The following DNAH11 variants were observed in gnomAD, a reference collection of about 807,000 sequenced individuals.
DNAH11 encodes dynein axonemal heavy chain 11, also known as axonemal beta dynein heavy chain 11.
DNAH11 carries 442 observed loss-of-function variants against 526.0 expected under a neutral mutation model. The ratio of observed to expected loss-of-function variants is 0.84; its 90% CI spans 0.78 to 0.91. The LOEUF is 0.91. Among genes scored for constraint, DNAH11 ranks in the 40% least tolerant of loss-of-function variants. The pLI is 0.00. For synonymous variants in DNAH11, 2,461 were observed against 1,935.9 expected (o/e 1.27, Z -7.12); for missense variants, 6,989 against 5,448.7 (o/e 1.28, Z -8.90).
intron 25 of DNAH11, among the ~76,000 whole-genome samples, chr7:21,622,713 G>A (rs1786132041): frequency 6.6e-6 from 1 of 152,088 alleles, no homozygotes; most frequent in African/African-American, 2.4e-5. Flanking sequence ...AACAAGCAAT[G>A]GGGAAAGGAT....
Position 21,543,624 on chromosome 7 carries a change from C to T in DNAH11, c.351+28C>T, listed in dbSNP as rs776570811. On this transcript the variant is annotated intron_variant, in intron 1 of 81. Coordinates refer to ENST00000409508, the MANE Select transcript of DNAH11 (RefSeq NM_001277115.2). ...AAGAGGCGACGGGCAAGGGGACCTG[C>T]CCATCCAACAAAACTACCCAGGGGA... 8 of 1,559,382 alleles carry T rather than the reference C, an allele frequency of 5.1e-6. No homozygotes were observed. The South Asian group carries it at 8.2e-5, about 16-fold the overall frequency.
In DNAH11 at chr7:21,690,799, C is replaced by T. The variant is rs1783583360; in HGVS notation, c.5959C>T (p.Pro1987Ser). 6.2e-7 allele frequency: 1 copy of T among 1,610,062 alleles called. No homozygotes were observed. Among genetic ancestry groups the T allele is most frequent in the Non-Finnish European group, 8.5e-7 (1 of 1,178,562 alleles). The change falls in exon 35 of 82, where the codon CCA (proline) becomes TCA (serine). Residue 1987 changes from proline to serine, a missense_variant. Physicochemically the swap from Pro to Ser is moderately conservative, Grantham distance 74 (BLOSUM62 -1). Coordinates refer to ENST00000409508, the MANE Select transcript of DNAH11 (RefSeq NM_001277115.2). ...TCTTGGGGAAGCTATCACACTGAAG[C>T]CATCAGTTGGAATATTTATTACTAT... ...VFLGEAITLKPSVGIFITMNP... is the reference protein window; with the variant it reads ...VFLGEAITLKSSVGIFITMNP...
In DNAH11 at chr7:21,543,072, A is replaced by C. The variant is rs1782647045; in HGVS notation, c.-174A>C. 4 of 1,348,898 alleles carry C rather than the reference A, an allele frequency of 3.0e-6. No individual in the cohort carries two copies. Among genetic ancestry groups the C allele is most frequent in the Middle Eastern group, 2.7e-4 (1 of 3,704 alleles). The allele number at this position is 1,348,898 out of a possible 1,614,324, so 83.6% of individuals were successfully genotyped here. ...CCTTCGCTTCGGCCTGCGAGGCTACAGCTGTGCGCAGTGGCGCGGCTGCTA... is the reference window on the plus strand; with the variant it reads ...CCTTCGCTTCGGCCTGCGAGGCTACCGCTGTGCGCAGTGGCGCGGCTGCTA... On this transcript the variant is annotated 5_prime_UTR_variant, in exon 1 of 82. Transcript: ENST00000409508.
Position 21,749,379 on chromosome 7 carries a change from C to T in DNAH11, c.8674-299C>T, listed in dbSNP as rs150636085. 2.6e-5 allele frequency among the ~76,000 whole-genome samples: 4 copies of T among 152,208 alleles called. 1 individual carries two copies. The highest frequency in any genetic ancestry group is 9.6e-5 in the African/African-American group (4 of 41,524). ...TTTTTACGGCCCTGCCTGAAAAAGGCGTCGCTGAATTCACTTGTACACAGT... is the reference window on the plus strand; with the variant it reads ...TTTTTACGGCCCTGCCTGAAAAAGGTGTCGCTGAATTCACTTGTACACAGT... On this transcript the variant is annotated intron_variant, in intron 52 of 81. Transcript: ENST00000409508.
Position 21,721,792 on chromosome 7 carries a change from C to T in DNAH11, c.7266+936C>T, listed in dbSNP as rs561641184. On this transcript the variant is annotated intron_variant, in intron 44 of 81. Transcript: ENST00000409508. ...GGATGTGGGAGGGGGGATCACAATT[C>T]GGTTTGTAGCATTTGATAATCTTCA... Among the ~76,000 whole-genome samples, 8 of 152,220 alleles carry T rather than the reference C, an allele frequency of 5.3e-5. No homozygotes were observed. The South Asian group carries it at 8.3e-4, about 16-fold the overall frequency.
At chr7:21,846,571 G>C (rs377596873) in intron 66 of DNAH11, among the ~76,000 whole-genome samples, 1 of 152,018 alleles carries the variant, frequency 6.6e-6, no homozygotes, top group African/African-American at 2.4e-5. Context: ...CTTGGTCGTG[G>C]TGTTTAATTA....
chr7:21,721,227 C>A (rs1358678755), intron 44 of DNAH11, among the ~76,000 whole-genome samples: 2 of 152,196 alleles, frequency 1.3e-5, no homozygotes, highest in East Asian at 3.9e-4. Flanking sequence ...TTTTCTTTTG[C>A]TCAGTGGTAC....
chr7:21,596,915 G>T (rs986771114), intron 14 of DNAH11, among the ~76,000 whole-genome samples: 1 of 152,202 alleles, frequency 6.6e-6, no homozygotes, highest in Non-Finnish European at 1.5e-5. Flanking sequence ...TCTTTTAAGT[G>T]ATTATTTTCC....
intron 1 of DNAH11, chr7:21,543,879 T>C (rs1292589428): frequency 6.5e-6 from 3 of 463,020 alleles, no homozygotes; most frequent in African/African-American, 6.1e-5. Flanking sequence ...GCGCTTTCTT[T>C]AGCTGCTTGG....
intron 4 of DNAH11, among the ~76,000 whole-genome samples, chr7:21,560,281 TATATA>T (rs1213466781): frequency 3.0e-4 from 46 of 152,324 alleles, no homozygotes; most frequent in African/African-American, 8.2e-4. Context: ...ATATTTTACA[TATATA>T]ATATATTAGG....
At chr7:21,742,573 C>T (rs1300282671) in intron 49 of DNAH11, among the ~76,000 whole-genome samples, 1 of 152,134 alleles carries the variant, frequency 6.6e-6, no homozygotes, top group Non-Finnish European at 1.5e-5. Context: ...CACCTCCCAC[C>T]AGGCCCCACC....
Position 21,699,021 on chromosome 7 carries a change from C to T in DNAH11, c.6180+808C>T, listed in dbSNP as rs75607053. On this transcript the variant is annotated intron_variant, in intron 36 of 81. Coordinates refer to ENST00000409508, the MANE Select transcript of DNAH11 (RefSeq NM_001277115.2). The stretch of plus-strand genomic sequence containing the variant: ...TTGTATTAATACTTTTTTAAATCAA[C>T]GAGCTGTGTGATTTTCTTTGTCAAT... 4.0e-3 allele frequency among the ~76,000 whole-genome samples: 601 copies of T among 151,856 alleles called. 1 individual carries two copies. Among genetic ancestry groups the T allele is most frequent in the African/African-American group, 0.013 (551 of 41,448 alleles).
At chr7:21,659,155 T>C in intron 30 of DNAH11, 124 bp downstream of exon 30, 2 of 845,688 alleles carry the variant, frequency 2.4e-6, no homozygotes, top group Non-Finnish European at 3.6e-6. Context: ...GCTGGGAAGA[T>C]TTTAGCAATC....
chr7:21,831,997 G>A (rs911388303), intron 65 of DNAH11, among the ~76,000 whole-genome samples: 4 of 152,120 alleles, frequency 2.6e-5, no homozygotes, highest in Non-Finnish European at 5.9e-5. Context: ...GGCTGAGACA[G>A]GAGAATTGTT....
intron 8 of DNAH11, among the ~76,000 whole-genome samples, chr7:21,577,891 A>G (rs957823301): frequency 6.6e-6 from 1 of 152,224 alleles, no homozygotes; most frequent in Non-Finnish European, 1.5e-5. Flanking sequence ...GAATTACTTG[A>G]AAAAGATTTT....
Position 21,901,357 on chromosome 7 carries a change from C to T in DNAH11, c.*103C>T, listed in dbSNP as rs900239318. ...ACATTATTCTAACTTTTTAGTAACT[C>T]ACACGTGCATTCTTTTTTCAACGCT... is the stretch of plus-strand genomic sequence containing the variant. On this transcript the variant is annotated 3_prime_UTR_variant, in exon 82 of 82. Transcript: ENST00000409508. 2 of 1,387,574 alleles carry T rather than the reference C, an allele frequency of 1.4e-6. No homozygotes were observed. The highest frequency in any genetic ancestry group is 1.9e-6 in the Non-Finnish European group (2 of 1,059,252). 86.0% of individuals were successfully genotyped at this position (1,387,574 alleles called of 1,614,324 possible). A position where few individuals can be genotyped will look rare whatever the true frequency, so the allele number is the denominator to read the frequency against.
At chr7:21,700,168 C>T (rs186340504) in intron 36 of DNAH11, among the ~76,000 whole-genome samples, 23 of 152,322 alleles carry the variant, frequency 1.5e-4, no homozygotes, top group African/African-American at 5.3e-4. Context: ...GATTTGACTT[C>T]AGTTCTAATT....
intron 30 of DNAH11, among the ~76,000 whole-genome samples, chr7:21,671,627 C>G (rs1187016638): frequency 1.6e-4 from 25 of 151,518 alleles, no homozygotes; most frequent in Admixed American, 1.6e-3. Flanking sequence ...TATTGGTTTT[C>G]TCTATAGCTT....
At chr7:21,815,183 A>T (rs975242999) in intron 63 of DNAH11, among the ~76,000 whole-genome samples, 2 of 152,018 alleles carry the variant, frequency 1.3e-5, no homozygotes, top group Non-Finnish European at 2.9e-5. Context: ...CCCTTCTGTT[A>T]GTCCTTTTAG....
Sources: gnomAD v4.1 joint callset for allele counts (sites outside exome capture counted in the v4.1 genomes callset) on GRCh38, gnomAD v4.1.1 for gene constraint, MANE v1.5 for transcripts, NCBI Gene and HGNC (gene_info 2026-07-23, HGNC 2026-07-21) for gene names.